KIF6: variants seen among roughly 807,000 people sequenced by gnomAD.
KIF6 encodes kinesin-like protein KIF6.
In KIF6, 106 loss-of-function variants were observed where a neutral mutation model predicts 112.7. The observed-to-expected ratio is 0.94, with a 90% CI of 0.80 to 1.11. The LOEUF is 1.11. Among genes scored for constraint, KIF6 ranks in the 50% least tolerant of loss-of-function variants. KIF6 has a pLI of 0.00. For synonymous variants in KIF6, 339 were observed against 339.9 expected (o/e 1.00, Z 0.03); for missense variants, 929 against 964.0 (o/e 0.96, Z 0.48).
At chr6:39,691,062 G>A (rs1043568244) in intron 3 of KIF6, 4 of 152,176 alleles carry the variant, frequency 2.6e-5, no homozygotes, top group African/African-American at 9.7e-5. Flanking sequence ...CTAAAAACGT[G>A]TTCACCATTT....
intron 6 of KIF6, among the ~76,000 whole-genome samples, chr6:39,612,394 C>T (rs1476471992): frequency 6.6e-6 from 1 of 152,136 alleles, no homozygotes; most frequent in South Asian, 2.1e-4. Context: ...CCACCACCAC[C>T]ACCACCATCC....
intron 13 of KIF6, among the ~76,000 whole-genome samples, chr6:39,500,866 C>T (rs1433673701): frequency 6.6e-6 from 1 of 151,726 alleles, no homozygotes; most frequent in Non-Finnish European, 1.5e-5. Flanking sequence ...AGGTGGAAGC[C>T]CTCAGAGAAG....
intron 10 of KIF6, among the ~76,000 whole-genome samples, chr6:39,573,245 C>T (rs1200288089): frequency 6.6e-6 from 1 of 152,038 alleles, no homozygotes. Context: ...AATAAGAGGA[C>T]TGAAGCTGAT....
Position 39,343,711 on chromosome 6 carries a change from T to C in KIF6, c.2426A>G (p.Gln809Arg), listed in dbSNP as rs1316360434. ...GCCACCGAGGGAGGTGCACTTACAT[T>C]GCTTCTGCAGAATGCTCTGTCTGGC... ...IKARQSILQKQCLGSN is the reference protein window; with the variant it reads ...IKARQSILQKRCLGSN Residue 809 changes from glutamine to arginine, a missense_variant and splice_region_variant, in exon 22 of 23, where the codon CAA becomes CGA. By Grantham distance (43) the Gln-to-Arg change is conservative. Around this residue, in one of 2 missense-constraint regions of KIF6, gnomAD observed 241 missense variants for 301.4 expected, o/e 0.80. Transcript: ENST00000287152. The surrounding 1 kb of genome is among the most constrained non-coding windows in gnomAD (Gnocchi z 4.1). The C allele has an allele frequency of 1.2e-6, 2 of 1,604,630 alleles. No homozygotes were observed. The highest frequency in any genetic ancestry group is 3.4e-5 in the Admixed American group (2 of 58,292).
At chr6:39,632,744 C>T (rs1211152835) in intron 5 of KIF6, among the ~76,000 whole-genome samples, 1 of 152,066 alleles carries the variant, frequency 6.6e-6, no homozygotes, top group Non-Finnish European at 1.5e-5. Context: ...CCTGCCTCAG[C>T]CTCCCGAGTA....
chr6:39,610,527 C>G (rs1783159418), intron 6 of KIF6, among the ~76,000 whole-genome samples: 2 of 152,138 alleles, frequency 1.3e-5, no homozygotes, highest in South Asian at 4.1e-4. Context: ...TTCGTTTGTT[C>G]TTTTTATCCT....
In KIF6 at chr6:39,634,310, G is replaced by C. The variant is rs114560372; in HGVS notation, c.509+539C>G. On this transcript the variant is annotated intron_variant, in intron 5 of 22. Coordinates refer to ENST00000287152, the MANE Select transcript of KIF6 (RefSeq NM_145027.6). Reference sequence around the variant, plus strand: ...GGCAGGGTAACTTGCTCCATTATTAGATAAATTTTGAAGACGCTATTTAAA... The same window carrying C: ...GGCAGGGTAACTTGCTCCATTATTACATAAATTTTGAAGACGCTATTTAAA... Among the ~76,000 whole-genome samples, 1,185 of 152,228 alleles carry C rather than the reference G, an allele frequency of 7.8e-3. 19 individuals are homozygous for C. The highest frequency in any genetic ancestry group is 0.027 in the African/African-American group (1,127 of 41,538).
chr6:39,585,028 G>T (rs774761567), intron 8 of KIF6, 44 bp from the exon 9 acceptor site: 7 of 1,069,868 alleles, frequency 6.5e-6, no homozygotes, highest in Non-Finnish European at 1.0e-5. Flanking sequence ...GGCATAGAGA[G>T]ATATTTCTTT....
At chr6:39,440,154 A>T (rs1771827748) in intron 13 of KIF6, among the ~76,000 whole-genome samples, 1 of 151,744 alleles carries the variant, frequency 6.6e-6, no homozygotes, top group African/African-American at 2.4e-5. Context: ...TTCCAAGGAG[A>T]TGGGGGTTTG....
chr6:39,557,911 T>C (rs1028187689), intron 10 of KIF6, among the ~76,000 whole-genome samples: 7 of 151,388 alleles, frequency 4.6e-5, no homozygotes, highest in South Asian at 2.1e-4. Context: ...ATACTTGTTA[T>C]CTTTGGTGAA....
At chr6:39,382,948 T>C (rs1318025310) in intron 16 of KIF6, among the ~76,000 whole-genome samples, 3 of 114,406 alleles carry the variant, frequency 2.6e-5, no homozygotes, top group Admixed American at 1.6e-4. Context: ...TGTATGTTTT[T>C]TGGCCACTTG....
intron 7 of KIF6, among the ~76,000 whole-genome samples, chr6:39,588,010 CT>C (rs935014836): frequency 1.3e-5 from 2 of 152,244 alleles, no homozygotes; most frequent in Non-Finnish European, 2.9e-5. Context: ...TTGGGAAACA[CT>C]TTGTTCACGT....
chr6:39,598,752 A>G (rs1233678640), intron 6 of KIF6, among the ~76,000 whole-genome samples: 2 of 152,176 alleles, frequency 1.3e-5, no homozygotes, highest in African/African-American at 4.8e-5. Flanking sequence ...AAGATTAGTA[A>G]ACTGAGATAA....
In KIF6 at chr6:39,544,662, T is replaced by G; in HGVS notation, c.1319A>C (p.Asn440Thr). Residue 440 changes from asparagine to threonine, a missense_variant, in exon 12 of 23, where the codon AAC becomes ACC. By Grantham distance (65) the Asn-to-Thr change is moderately conservative (BLOSUM62 0). Transcript: ENST00000287152. ...KLLNDKKILE[N>T]NTVSSESKDQ... ...TTTGCTTTCAGAGGAGACTGTATTGTTTTCAAGGATCTTCTTGTCATTCAA... is the reference window on the plus strand; with the variant it reads ...TTTGCTTTCAGAGGAGACTGTATTGGTTTCAAGGATCTTCTTGTCATTCAA... 1 of 1,605,280 alleles carries G rather than the reference T, an allele frequency of 6.2e-7. No individual in the cohort carries two copies. Among genetic ancestry groups the G allele is most frequent in the Non-Finnish European group, 8.5e-7 (1 of 1,177,190 alleles).
intron 13 of KIF6, among the ~76,000 whole-genome samples, chr6:39,507,230 TAGAC>T (rs1157108540): frequency 6.6e-6 from 1 of 152,142 alleles, no homozygotes; most frequent in East Asian, 1.9e-4. Flanking sequence ...TTACTCCAGG[TAGAC>T]AGTGTCAGAA....
chr6:39,501,501 G>C (rs191936790), intron 13 of KIF6, among the ~76,000 whole-genome samples: 1 of 152,270 alleles, frequency 6.6e-6, no homozygotes, highest in East Asian at 1.9e-4. Context: ...ACAGAAGTAG[G>C]CTTCAGAATG....
At chr6:39,556,421 C>A (rs9471124) in intron 10 of KIF6, among the ~76,000 whole-genome samples, 38,725 of 151,912 alleles carry the variant, frequency 0.25, 6,157 homozygotes, top group African/African-American at 0.43. Context: ...ATAGAAGAGG[C>A]CTCCTATCAT....
chr6:39,411,363 A>G (rs1769463123), intron 15 of KIF6, among the ~76,000 whole-genome samples: 1 of 152,218 alleles, frequency 6.6e-6, no homozygotes, highest in Non-Finnish European at 1.5e-5. Flanking sequence ...TCGTATCTTA[A>G]TGGGATTCTT....
chr6:39,357,306 A>G lies in KIF6; in HGVS notation c.2151T>C (p.His717=), dbSNP rs781485675. 1 of 1,613,900 alleles carries G rather than the reference A, an allele frequency of 6.2e-7. No homozygotes were observed. Among genetic ancestry groups the G allele is most frequent in the Non-Finnish European group, 8.5e-7 (1 of 1,179,844 alleles). The change falls in exon 19 of 23, where the codon CAT becomes CAC. Residue 717 remains histidine (H), a synonymous_variant. Coordinates refer to ENST00000287152, the MANE Select transcript of KIF6 (RefSeq NM_145027.6). ...TGTTAGAGAGGAGTTGGGACCATTCATGCTGGGAGTCAGATGTCTGGAGAA... is the reference window on the plus strand; with the variant it reads ...TGTTAGAGAGGAGTTGGGACCATTCGTGCTGGGAGTCAGATGTCTGGAGAA... The part of the protein sequence containing the change: ...KPFLQTSDSQ[H]EWSQLLSNKS...
Sources: allele counts gnomAD v4.1 joint callset (sites outside exome capture counted in the v4.1 genomes callset), GRCh38; gene constraint gnomAD v4.1.1; regional missense constraint gnomAD v4.1.1; non-coding constraint Gnocchi (gnomAD v3.1); transcripts MANE v1.5; gene names NCBI Gene and HGNC (gene_info 2026-07-23, HGNC 2026-07-21).